Variants in TBX18 observed in about 807,000 individuals in gnomAD.
TBX18 encodes T-box transcription factor TBX18.
TBX18 carries 21 observed loss-of-function variants against 55.0 expected under a neutral mutation model. The ratio of observed to expected loss-of-function variants is 0.38; its 90% CI spans 0.27 to 0.55. The LOEUF is 0.55. Among genes scored for constraint, TBX18 ranks in the 20% least tolerant of loss-of-function variants. The pLI, the probability that TBX18 is intolerant of heterozygous loss-of-function variation, is 0.73. For missense variants in TBX18, 840 were observed against 799.6 expected, an observed-to-expected ratio of 1.05 and a Z score of -0.61; for synonymous variants, 342 against 326.1, an observed-to-expected ratio of 1.05 and a Z score of -0.53.
chr6:84,756,456 C>T (rs1038119283), intron 4 of TBX18, among the ~76,000 whole-genome samples: 2 of 152,222 alleles, frequency 1.3e-5, no homozygotes, highest in African/African-American at 4.8e-5. Flanking sequence ...ATCTCTGCTT[C>T]CAGTACTTTC....
At chr6:84,758,724 A>AT (rs1362996821) in intron 3 of TBX18, among the ~76,000 whole-genome samples, 1 of 152,208 alleles carries the variant, frequency 6.6e-6, no homozygotes, top group African/African-American at 2.4e-5. Flanking sequence ...AAAAGTATGC[A>AT]TTTTGAATAG....
At chr6:84,756,929 T>G (rs1210001876) in intron 3 of TBX18, 60 bp from the exon 4 acceptor site, 5 of 1,483,708 alleles carry the variant, frequency 3.4e-6, no homozygotes, top group Non-Finnish European at 4.6e-6. Flanking sequence ...TCCAACTCAG[T>G]AGAATCAGAC....
At chr6:84,752,781 C>G (rs879871873) in intron 4 of TBX18, among the ~76,000 whole-genome samples, 7 of 152,160 alleles carry the variant, frequency 4.6e-5, no homozygotes, top group Non-Finnish European at 8.8e-5. Flanking sequence ...ATCAGTATCA[C>G]TGAGTCCTCA....
chr6:84,750,917 T>C (rs2127877098), intron 4 of TBX18, among the ~76,000 whole-genome samples: 1 of 152,312 alleles, frequency 6.6e-6, no homozygotes, highest in Non-Finnish European at 1.5e-5. Context: ...TATTTCTTAA[T>C]TAATTTATCT....
At chr6:84,759,764 C>T (rs1234231984) in intron 3 of TBX18, among the ~76,000 whole-genome samples, 1 of 151,422 alleles carries the variant, frequency 6.6e-6, no homozygotes, top group African/African-American at 2.4e-5. Context: ...TTTTATTTTT[C>T]TTACTTGTAG....
At chr6:84,758,357 G>A (rs1409789349) in intron 3 of TBX18, among the ~76,000 whole-genome samples, 1 of 148,910 alleles carries the variant, frequency 6.7e-6, no homozygotes, top group Non-Finnish European at 1.5e-5. Flanking sequence ...CCAGTGAGCC[G>A]AGATCACGCC....
chr6:84,735,647 A>AAACAAAC lies in TBX18; in HGVS notation c.*1037_*1038insGTTTGTT, dbSNP rs1773918041. ...AATGTGTAGGAATTACAAGATATAA[A>AAACAAAC]TAAGTAGCATAAATGCATTTTTTTT... is the stretch of plus-strand genomic sequence containing the variant. On this transcript the variant is annotated 3_prime_UTR_variant, in exon 8 of 8. Transcript: ENST00000369663. 1.3e-5 allele frequency: 2 copies of AAACAAAC among 152,242 alleles called. No individual in the cohort carries two copies. Among genetic ancestry groups the AAACAAAC allele is most frequent in the Non-Finnish European group, 2.9e-5 (2 of 68,046 alleles). The allele number at this position is 152,242 out of a possible 1,614,324, so 9.4% of individuals were successfully genotyped here. A position where few individuals can be genotyped will look rare whatever the true frequency, so the allele number is the denominator to read the frequency against.
In TBX18 at chr6:84,764,016, TGCAGCCTCCGTCGTCCACGGCCCC is replaced by T; in HGVS notation, c.142_165del (p.Gly48_Cys55del). 1 of 1,556,964 alleles carries T rather than the reference TGCAGCCTCCGTCGTCCACGGCCCC, an allele frequency of 6.4e-7. No individual in the cohort carries two copies. The highest frequency in any genetic ancestry group is 8.7e-7 in the Non-Finnish European group (1 of 1,154,870). On this transcript the variant is annotated inframe_deletion, in exon 1 of 8. Coordinates refer to ENST00000369663, the MANE Select transcript of TBX18 (RefSeq NM_001080508.3). ...TTTTCGCCCGCGCCGCCGCCGCGGC[TGCAGCCTCCGTCGTCCACGGCCCC>T]CGCCGCCTCTTCGGCGCCCAGTTTT...
At chr6:84,760,589 C>T (rs1312294711) in intron 2 of TBX18, among the ~76,000 whole-genome samples, 1 of 152,034 alleles carries the variant, frequency 6.6e-6, no homozygotes, top group Non-Finnish European at 1.5e-5. Flanking sequence ...ACTGAAATGT[C>T]AGTATAGCTA....
At chr6:84,750,775 T>A (rs946215185) in intron 4 of TBX18, among the ~76,000 whole-genome samples, 2 of 151,650 alleles carry the variant, frequency 1.3e-5, no homozygotes, top group Non-Finnish European at 2.9e-5. Context: ...AAGCAGTTAA[T>A]TGAGCCCCAC....
In TBX18 at chr6:84,747,979, T is replaced by A. The variant is rs1767241698; in HGVS notation, c.880A>T (p.Lys294Ter). The change falls in exon 5 of 8, where the codon AAG becomes TAG. Residue 294 changes from lysine (K) to a stop codon, truncating the protein, a stop_gained. Transcript: ENST00000369663. LOFTEE classifies it high-confidence loss of function. ...ACAGTTTCTGGAAAGGAGAATGCCTTTACTCCCTCCCCGGATGGAACAGGC... is the reference window on the plus strand; with the variant it reads ...ACAGTTTCTGGAAAGGAGAATGCCTATACTCCCTCCCCGGATGGAACAGGC... ...IKPVPSGEGV[K>*]AFSFPETVFT... 6.2e-7 allele frequency: 1 copy of A among 1,613,400 alleles called. No individual in the cohort carries two copies. The highest frequency in any genetic ancestry group is 8.5e-7 in the Non-Finnish European group (1 of 1,179,484).
chr6:84,746,405 ATATAAT>A (rs1019627287), intron 5 of TBX18, among the ~76,000 whole-genome samples: 2 of 147,600 alleles, frequency 1.4e-5, no homozygotes, highest in African/African-American at 4.9e-5. Flanking sequence ...AATATACTAA[ATATAAT>A]TATATTAAGT....
chr6:84,762,532 C>T lies in TBX18; in HGVS notation c.497+12G>A, dbSNP rs1224021994. 1.2e-6 allele frequency: 2 copies of T among 1,613,860 alleles called. No homozygotes were observed. The highest frequency in any genetic ancestry group is 2.2e-5 in the East Asian group (1 of 44,884). On this transcript the variant is annotated intron_variant, in intron 2 of 7. Transcript: ENST00000369663. The stretch of plus-strand genomic sequence containing the variant: ...GGGTAGGGAGGGGCGTCCACGCCAG[C>T]TTGCCCATTACCTGCCGGCCTTGGT...
At chr6:84,748,559 G>T (rs986332157) in intron 4 of TBX18, among the ~76,000 whole-genome samples, 6 of 152,126 alleles carry the variant, frequency 3.9e-5, no homozygotes. Context: ...CTATTCAAGG[G>T]CAAAGGGAAT....
At chr6:84,754,565 A>G (rs188960553) in intron 4 of TBX18, among the ~76,000 whole-genome samples, 111 of 152,322 alleles carry the variant, frequency 7.3e-4, no homozygotes, top group Non-Finnish European at 1.4e-3. Flanking sequence ...CCCTAATAGT[A>G]AAATATTATA....
chr6:84,757,792 TA>T (rs1381126575), intron 3 of TBX18, among the ~76,000 whole-genome samples: 2 of 151,740 alleles, frequency 1.3e-5, no homozygotes, highest in Admixed American at 6.6e-5. Context: ...ATAAGCTAAT[TA>T]AAAAACTAGA....
In TBX18 at chr6:84,740,580, A is replaced by C. The variant is rs149556119; in HGVS notation, c.1005-1989T>G. Among the ~76,000 whole-genome samples, 605 of 139,100 alleles carry C rather than the reference A, an allele frequency of 4.3e-3. 4 individuals are homozygous for C. Among genetic ancestry groups the C allele is most frequent in the African/African-American group, 0.011 (456 of 40,568 alleles). The allele number at this position is 139,100 out of a possible 152,430, so 91.3% of individuals were successfully genotyped here. ...TGGCAGACCTGGTCAGTTCCAAACCACATGTTGCCTGTGGGTATGTTTAAC... is the reference window on the plus strand; with the variant it reads ...TGGCAGACCTGGTCAGTTCCAAACCCCATGTTGCCTGTGGGTATGTTTAAC... On this transcript the variant is annotated intron_variant, in intron 6 of 7. Transcript: ENST00000369663.
chr6:84,762,675 C>A lies in TBX18; in HGVS notation c.366G>T (p.Pro122=). The A allele has an allele frequency of 6.2e-7, 1 of 1,610,112 alleles. No homozygotes were observed. The highest frequency in any genetic ancestry group is 1.7e-5 in the Admixed American group (1 of 59,622). Residue 122 remains proline (P), a synonymous_variant, in exon 2 of 8, where the codon CCG becomes CCT. Coordinates refer to ENST00000369663, the MANE Select transcript of TBX18 (RefSeq NM_001080508.3). ...ASPGGSPKGS[P]ARSLARPGTP... Reference sequence around the variant, plus strand: ...TCCCGGGCCGGGCCAGGGAGCGCGCCGGAGACCCCTTGGGGGAGCCTCCCG... The same window carrying A: ...TCCCGGGCCGGGCCAGGGAGCGCGCAGGAGACCCCTTGGGGGAGCCTCCCG...
rs1037637448 is a variant in TBX18, at chr6:84,761,887, T to C, written c.497+657A>G. ...TGTTGGATTCCATTTAGGACAAAAA[T>C]AAATAAATAAATAACCAGGTACTCT... On this transcript the variant is annotated intron_variant, in intron 2 of 7. Transcript: ENST00000369663. 2.6e-5 allele frequency among the ~76,000 whole-genome samples: 4 copies of C among 152,096 alleles called. No homozygotes were observed. In the East Asian group the frequency reaches 7.7e-4, roughly 29 times the overall value.
Sources: allele counts gnomAD v4.1 joint callset (sites outside exome capture counted in the v4.1 genomes callset), GRCh38; gene constraint gnomAD v4.1.1; transcripts MANE v1.5; gene names NCBI Gene and HGNC (gene_info 2026-07-23, HGNC 2026-07-21).